The following CDH18 variants were observed in gnomAD, a reference collection of about 807,000 sequenced individuals.
CDH18 encodes the protein cadherin 18.
In CDH18, 31 loss-of-function variants were observed where a neutral mutation model predicts 67.9. The ratio of observed to expected loss-of-function variants is 0.46; its 90% CI spans 0.34 to 0.62. The LOEUF (loss-of-function observed/expected upper bound fraction) is 0.62, where lower values mean the gene tolerates loss of function less well. Among genes scored for constraint, CDH18 ranks in the 20% least tolerant of loss-of-function variants. The pLI is 0.01. For missense variants in CDH18, 890 were observed against 975.5 expected (o/e 0.91, Z 1.17); for synonymous variants, 362 against 347.2 (o/e 1.04, Z -0.48).
At chr5:20,161,191 G>C (rs1190804711) in intron 2 of CDH18, among the ~76,000 whole-genome samples, 1 of 152,156 alleles carries the variant, frequency 6.6e-6, no homozygotes, top group Admixed American at 6.5e-5. Context: ...ACTGGATTCA[G>C]TTCCATGTGA....
intron 9 of CDH18, among the ~76,000 whole-genome samples, chr5:19,532,961 C>T (rs192215778): frequency 3.0e-4 from 45 of 152,230 alleles, no homozygotes; most frequent in African/African-American, 1.1e-3. Flanking sequence ...TTACCTGCAG[C>T]ATGTCGAGTT....
At chr5:19,476,996 C>A (rs1286983575) in intron 12 of CDH18, among the ~76,000 whole-genome samples, 1 of 151,474 alleles carries the variant, frequency 6.6e-6, no homozygotes, top group Admixed American at 6.6e-5. Flanking sequence ...AATATAGAGA[C>A]CATTTACATT....
At chr5:20,384,928 C>T (rs1744193503) in intron 1 of CDH18, among the ~76,000 whole-genome samples, 1 of 152,042 alleles carries the variant, frequency 6.6e-6, no homozygotes, top group African/African-American at 2.4e-5. Context: ...CCTCCGCCTC[C>T]CGGGTTCTAG....
rs371110576 is a variant in CDH18, at chr5:19,968,468, T to C, written c.-257+12592A>G. On this transcript the variant is annotated intron_variant, in intron 2 of 12. Coordinates refer to ENST00000382275, the MANE Select transcript of CDH18 (RefSeq NM_004934.5). ...TACTACAAGGCTACAGTAACCAAAATAGCATGGTACTGGTACCAAAACAGA... is the reference window on the plus strand; with the variant it reads ...TACTACAAGGCTACAGTAACCAAAACAGCATGGTACTGGTACCAAAACAGA... Among the ~76,000 whole-genome samples the C allele has an allele frequency of 1.8e-3, 267 of 151,812 alleles. 3 individuals are homozygous for C. The highest frequency in any genetic ancestry group is 5.7e-3 in the Admixed American group (87 of 15,238).
At chr5:20,284,440 GT>G (rs773239001) in intron 1 of CDH18, among the ~76,000 whole-genome samples, 9 of 151,856 alleles carry the variant, frequency 5.9e-5, no homozygotes, top group Non-Finnish European at 1.3e-4. Flanking sequence ...GGCTTATACA[GT>G]TTTTCTAACA....
intron 4 of CDH18, among the ~76,000 whole-genome samples, chr5:19,741,301 G>GTA (rs1482622556): frequency 7.4e-6 from 1 of 134,464 alleles, no homozygotes; most frequent in Non-Finnish European, 1.6e-5. Context: ...ATACATATAT[G>GTA]TACATATATA....
rs111972167 is a variant in CDH18, at chr5:19,516,989, G to A, written c.1512+3668C>T. ...AACATAAAATTTCATATCTCTGTGGGAAATGCCCAAAAATGCAGTTCTGAA... is the reference window on the plus strand; with the variant it reads ...AACATAAAATTTCATATCTCTGTGGAAAATGCCCAAAAATGCAGTTCTGAA... On this transcript the variant is annotated intron_variant, in intron 10 of 12. Coordinates refer to ENST00000382275, the MANE Select transcript of CDH18 (RefSeq NM_004934.5). Among the ~76,000 whole-genome samples, 1,149 of 152,060 alleles carry A rather than the reference G, an allele frequency of 7.6e-3. 12 individuals carry two copies. The highest frequency in any genetic ancestry group is 0.026 in the African/African-American group (1,094 of 41,494).
chr5:19,632,051 A>G (rs936316515), intron 5 of CDH18, among the ~76,000 whole-genome samples: 26 of 152,308 alleles, frequency 1.7e-4, no homozygotes, highest in African/African-American at 6.3e-4. Context: ...ATTCATATTT[A>G]TATGATCAAT....
intron 5 of CDH18, among the ~76,000 whole-genome samples, chr5:19,699,669 T>C (rs921102340): frequency 5.9e-5 from 9 of 151,830 alleles, no homozygotes; most frequent in Non-Finnish European, 1.2e-4. Flanking sequence ...TGTGTGTTTC[T>C]ATCTCTTCAT....
intron 8 of CDH18, among the ~76,000 whole-genome samples, chr5:19,556,603 A>C (rs919774451): frequency 6.6e-6 from 1 of 152,124 alleles, no homozygotes; most frequent in Non-Finnish European, 1.5e-5. Context: ...AAAACGAGCA[A>C]AGCCTCCAAG....
At chr5:19,958,566 C>T (rs560798635) in intron 2 of CDH18, among the ~76,000 whole-genome samples, 2 of 151,890 alleles carry the variant, frequency 1.3e-5, no homozygotes, top group East Asian at 3.9e-4. Context: ...TTGATAGGCA[C>T]TAAGCAGTAT....
intron 1 of CDH18, among the ~76,000 whole-genome samples, chr5:20,513,717 C>T (rs1413878399): frequency 6.6e-6 from 1 of 152,074 alleles, no homozygotes; most frequent in Admixed American, 6.6e-5. Flanking sequence ...TCAAAATAAA[C>T]ATTCATTGGA....
chr5:19,646,367 TCTCA>T (rs1355448674), intron 5 of CDH18, among the ~76,000 whole-genome samples: 1 of 152,074 alleles, frequency 6.6e-6, no homozygotes, highest in African/African-American at 2.4e-5. Flanking sequence ...ATGGAGTCTC[TCTCA>T]CTCTGTCACC....
chr5:20,213,561 A>G (rs1410624925), intron 2 of CDH18, among the ~76,000 whole-genome samples: 1 of 151,934 alleles, frequency 6.6e-6, no homozygotes, highest in African/African-American at 2.4e-5. Flanking sequence ...AGAGCTCATT[A>G]TTGGTTTGTT....
intron 2 of CDH18, among the ~76,000 whole-genome samples, chr5:19,907,941 A>G (rs1014489787): frequency 3.9e-5 from 6 of 152,082 alleles, no homozygotes; most frequent in East Asian, 3.8e-4. Context: ...GCAACCTGGT[A>G]TATATACTTT....
chr5:19,491,597 CTTCT>C (rs879582135), intron 11 of CDH18, among the ~76,000 whole-genome samples: 6 of 152,170 alleles, frequency 3.9e-5, no homozygotes, highest in African/African-American at 1.2e-4. Flanking sequence ...CTCCAAAAGA[CTTCT>C]TTCTAACAGT....
intron 6 of CDH18, among the ~76,000 whole-genome samples, chr5:19,603,051 TG>T (rs1484251156): frequency 6.6e-6 from 1 of 152,150 alleles, no homozygotes; most frequent in East Asian, 1.9e-4. Flanking sequence ...GCACTGAAAG[TG>T]GGGTGTTACA....
chr5:19,653,491 T>A (rs1446984), intron 5 of CDH18, among the ~76,000 whole-genome samples: 83,577 of 151,890 alleles, frequency 0.55, 26,282 homozygotes, highest in South Asian at 0.75. Flanking sequence ...ATTCTGACAT[T>A]CCCCACTAGT....
chr5:20,324,628 G>GA (rs1262761589), intron 1 of CDH18, among the ~76,000 whole-genome samples: 2 of 152,028 alleles, frequency 1.3e-5, no homozygotes, highest in Non-Finnish European at 2.9e-5. Context: ...AGTCTTTACT[G>GA]AAAAAAACAA....
Sources: gnomAD v4.1 joint callset for allele counts (sites outside exome capture counted in the v4.1 genomes callset) on GRCh38, gnomAD v4.1.1 for gene constraint, MANE v1.5 for transcripts, NCBI Gene and HGNC (gene_info 2026-07-23, HGNC 2026-07-21) for gene names.